Variants in FDXR observed in about 807,000 individuals in gnomAD.
FDXR encodes the protein NADPH:adrenodoxin oxidoreductase, mitochondrial.
Under a neutral mutation model 58.3 loss-of-function variants are expected in FDXR, and 38 were observed. The ratio of observed to expected loss-of-function variants is 0.65; its 90% CI spans 0.50 to 0.85. The LOEUF is 0.85. FDXR is among the 40% of genes least tolerant of loss of function. The probability of loss-of-function intolerance (pLI) is 0.00; values close to 1 mark genes in which losing one functional copy is unlikely to be tolerated. For synonymous variants in FDXR, 275 were observed against 273.8 expected, an observed-to-expected ratio of 1.00 and a Z score of -0.04; for missense variants, 624 against 671.0, an observed-to-expected ratio of 0.93 and a Z score of 0.77.
chr17:74,870,707 G>C (rs2038347891), intron 2 of FDXR, among the ~76,000 whole-genome samples: 1 of 151,200 alleles, frequency 6.6e-6, no homozygotes. Flanking sequence ...GCGTGCCCAA[G>C]GCCTTGCATT....
chr17:74,863,046 C>G (rs1232986628), intron 11 of FDXR, 30 bp downstream of exon 11: 4 of 1,603,888 alleles, frequency 2.5e-6, no homozygotes, highest in Non-Finnish European at 3.4e-6. Flanking sequence ...CCCACCCCAC[C>G]TCCCAGGACC....
Position 74,866,868 on chromosome 17 carries a change from C to G in FDXR, c.186G>C (p.Gln62His), listed in dbSNP as rs375798904. The change falls in exon 3 of 12, where the codon CAG (glutamine) becomes CAC (histidine). Residue 62 changes from glutamine to histidine, a missense_variant. By Grantham distance (24) the Gln-to-His change is conservative (BLOSUM62 0). Coordinates refer to ENST00000293195, the MANE Select transcript of FDXR (RefSeq NM_024417.5). ...YTAQHLLKHP[Q>H]AHVDIYEKQP... ...GTTTCTCGTAGATGTCCACGTGGGCCTGGGGGTGCTGCTGGGGAACAGGGT... is the reference window on the plus strand; with the variant it reads ...GTTTCTCGTAGATGTCCACGTGGGCGTGGGGGTGCTGCTGGGGAACAGGGT... 7 of 1,613,860 alleles carry G rather than the reference C, an allele frequency of 4.3e-6. No individual in the cohort carries two copies. Among genetic ancestry groups the G allele is most frequent in the Non-Finnish European group, 5.9e-6 (7 of 1,179,938 alleles).
At chr17:74,868,364 A>C in intron 2 of FDXR, 1 of 663,388 alleles carries the variant, frequency 1.5e-6, no homozygotes, top group Non-Finnish European at 2.7e-6. Context: ...GCTCAAGGTT[A>C]AATGAGTAAT....
chr17:74,870,585 A>C (rs500145), intron 2 of FDXR, among the ~76,000 whole-genome samples: 122,683 of 146,140 alleles, frequency 0.84, 52,122 homozygotes, highest in African/African-American at 0.95. Context: ...AAATGTCAGG[A>C]TCAGCTAAAA....
At chr17:74,868,762 T>C in intron 2 of FDXR, 3 of 1,480,350 alleles carry the variant, frequency 2.0e-6, no homozygotes, top group Non-Finnish European at 2.7e-6. Context: ...CTGAGGTTCT[T>C]CCGATTGGCC....
At chr17:74,864,739 C>A (rs1369175716) in intron 7 of FDXR, 85 bp downstream of exon 7, 2 of 1,568,996 alleles carry the variant, frequency 1.3e-6, no homozygotes, top group Admixed American at 1.7e-5. Flanking sequence ...AGCAGCTACT[C>A]CCAGGGGCTC....
intron 4 of FDXR, 81 bp from the exon 5 acceptor site, chr17:74,866,325 G>A (rs1185426995): frequency 2.4e-5 from 37 of 1,566,276 alleles, no homozygotes; most frequent in Admixed American, 5.2e-5. Context: ...GGCTCCCAGC[G>A]GCCTCCTTCC....
At chr17:74,869,393 C>T (rs1289182257) in intron 2 of FDXR, among the ~76,000 whole-genome samples, 2 of 152,180 alleles carry the variant, frequency 1.3e-5, no homozygotes, top group Non-Finnish European at 2.9e-5. Flanking sequence ...AACCTGCCTC[C>T]AGAGCCTGGT....
intron 2 of FDXR, chr17:74,868,778 CCCT>C: frequency 6.8e-7 from 1 of 1,470,556 alleles, no homozygotes; most frequent in Non-Finnish European, 9.0e-7. Flanking sequence ...TGGCCCCCCT[CCCT>C]CCTCCCTGAG....
chr17:74,866,766 A>T lies in FDXR; in HGVS notation c.270+18T>A. ...CCAAAGTCTCCAAACCCCAGCCTCC[A>T]GGCCCAGAGACACCCACCTTCACCT... is the stretch of plus-strand genomic sequence containing the variant. On this transcript the variant is annotated intron_variant, in intron 3 of 11. Coordinates refer to ENST00000293195, the MANE Select transcript of FDXR (RefSeq NM_024417.5). 1 of 1,613,456 alleles carries T rather than the reference A, an allele frequency of 6.2e-7. No homozygotes were observed. The highest frequency in any genetic ancestry group is 1.1e-5 in the South Asian group (1 of 91,038).
rs1169001847 is a variant in FDXR at position 74,864,850 on chromosome 17, G to T, written c.691C>A (p.Pro231Thr). 6.2e-7 allele frequency: 1 copy of T among 1,614,046 alleles called. No individual in the cohort carries two copies. ...KTVWLVGRRG[P>T]LQVAFTIKEL... The stretch of plus-strand genomic sequence containing the variant: ...TTAATGGTGAAGGCCACTTGCAGGG[G>T]TCCACGCCGGCCCACTAGCCACACT... Residue 231 changes from proline to threonine, a missense_variant, in exon 7 of 12, where the codon CCC becomes ACC. Physicochemically the swap from Pro to Thr is conservative, Grantham distance 38. Transcript: ENST00000293195.
intron 1 of FDXR, chr17:74,872,340 A>G (rs1164565216): frequency 7.0e-7 from 1 of 1,430,766 alleles, no homozygotes; most frequent in Non-Finnish European, 9.5e-7. Context: ...CAGAGCCCAC[A>G]TCTCACCCAT....
chr17:74,867,742 G>A (rs1382713841), intron 2 of FDXR, among the ~76,000 whole-genome samples: 3 of 152,084 alleles, frequency 2.0e-5, no homozygotes, highest in African/African-American at 7.2e-5. Flanking sequence ...ACAGGGTCGG[G>A]GGTCCAGCAG....
intron 2 of FDXR, 45 bp from the exon 3 acceptor site, chr17:74,866,921 G>A: frequency 6.3e-7 from 1 of 1,594,210 alleles, no homozygotes; most frequent in Non-Finnish European, 8.5e-7. Context: ...AGAGAGAGAG[G>A]CTGGGACGCC....
At chr17:74,866,607 A>C in intron 3 of FDXR, 39 bp from the exon 4 acceptor site, 1 of 1,612,918 alleles carries the variant, frequency 6.2e-7, no homozygotes, top group Non-Finnish European at 8.5e-7. Flanking sequence ...TTAGAGGGTA[A>C]GGCAGCTCCA....
chr17:74,868,021 A>C (rs1046169823), intron 2 of FDXR, among the ~76,000 whole-genome samples: 9 of 151,482 alleles, frequency 5.9e-5, no homozygotes, highest in Non-Finnish European at 1.2e-4. Context: ...ACTGGGACTC[A>C]AGGCAAAGAA....
At chr17:74,872,821 G>T in intron 1 of FDXR, 45 bp downstream of exon 1, 3 of 1,542,498 alleles carry the variant, frequency 1.9e-6, no homozygotes, top group Non-Finnish European at 2.6e-6. Context: ...GCGCTCGCAG[G>T]CCTCCCCGCG....
chr17:74,872,627 T>C, intron 1 of FDXR: 5 of 870,570 alleles, frequency 5.7e-6, no homozygotes, highest in Non-Finnish European at 3.4e-6. Flanking sequence ...GTCTCACACC[T>C]GTAGATCTCA....
chr17:74,872,775 C>G, intron 1 of FDXR, 91 bp downstream of exon 1: 3 of 1,537,230 alleles, frequency 2.0e-6, no homozygotes, highest in South Asian at 1.2e-5. Flanking sequence ...TCACCCTTCT[C>G]CAGCCCTGCC....
Sources: allele counts gnomAD v4.1 joint callset (sites outside exome capture counted in the v4.1 genomes callset), GRCh38; gene constraint gnomAD v4.1.1; transcripts MANE v1.5; gene names NCBI Gene and HGNC (gene_info 2026-07-23, HGNC 2026-07-21).